Variants in SIK3 observed in about 807,000 individuals in gnomAD.
SIK3 encodes serine/threonine-protein kinase SIK3.
A neutral mutation model predicts 144.2 loss-of-function variants in SIK3; 28 were observed. The observed-to-expected ratio is 0.19, with a 90% confidence interval of 0.14 to 0.27. The LOEUF (loss-of-function observed/expected upper bound fraction) is 0.27, where lower values mean the gene tolerates loss of function less well. SIK3 is among the 10% of genes least tolerant of loss of function. The probability of loss-of-function intolerance (pLI) is 1.00; values close to 1 mark genes in which losing one functional copy is unlikely to be tolerated. For missense variants in SIK3, 1,319 were observed against 1,776.0 expected, an observed-to-expected ratio of 0.74 and a Z score of 4.62; for synonymous variants, 686 against 676.3, an observed-to-expected ratio of 1.01 and a Z score of -0.22.
intron 1 of SIK3, among the ~76,000 whole-genome samples, chr11:117,026,653 T>C (rs765756248): frequency 9.7e-4 from 148 of 152,320 alleles, no homozygotes; most frequent in Non-Finnish European, 1.8e-3. Context: ...TAAATATAAT[T>C]TGATGAAGTC....
At chr11:116,892,616 G>C (rs1448358764) in intron 6 of SIK3, among the ~76,000 whole-genome samples, 1 of 152,166 alleles carries the variant, frequency 6.6e-6, no homozygotes, top group Non-Finnish European at 1.5e-5. Context: ...CTCATTGCTG[G>C]CAGGAATGCA....
intron 13 of SIK3, among the ~76,000 whole-genome samples, chr11:116,871,751 C>T (rs1307275936): frequency 6.6e-6 from 1 of 152,088 alleles, no homozygotes; most frequent in East Asian, 1.9e-4. Context: ...ATAAGAAAGA[C>T]AAGAGTTAAA....
At chr11:117,009,852 T>C (rs1179037233) in intron 1 of SIK3, among the ~76,000 whole-genome samples, 2 of 152,224 alleles carry the variant, frequency 1.3e-5, no homozygotes, top group Non-Finnish European at 2.9e-5. Context: ...GATGCTTTGT[T>C]TTAATGCTGA....
chr11:116,895,673 C>T (rs570528467), intron 6 of SIK3, among the ~76,000 whole-genome samples: 23 of 152,162 alleles, frequency 1.5e-4, no homozygotes, highest in African/African-American at 3.6e-4. Flanking sequence ...TATCTATTTT[C>T]GGTGTTAAAT....
At chr11:116,918,378 C>CT (rs141594094) in intron 4 of SIK3, among the ~76,000 whole-genome samples, 16,658 of 151,760 alleles carry the variant, frequency 0.11, 1,026 homozygotes, top group Admixed American at 0.15. Flanking sequence ...TTCTCCTACA[C>CT]TTTTTTTTCC....
intron 1 of SIK3, among the ~76,000 whole-genome samples, chr11:116,968,414 T>G (rs532812878): frequency 4.2e-4 from 64 of 152,246 alleles, no homozygotes; most frequent in Non-Finnish European, 1.8e-4. Context: ...AGGGCTGGGA[T>G]GACAGGTGTG....
At chr11:117,064,059 G>A (rs1799665570) in intron 1 of SIK3, among the ~76,000 whole-genome samples, 1 of 152,086 alleles carries the variant, frequency 6.6e-6, no homozygotes, top group Non-Finnish European at 1.5e-5. Context: ...AAGTACCCCT[G>A]TTAAAGAGCA....
intron 1 of SIK3, among the ~76,000 whole-genome samples, chr11:117,080,998 T>C (rs1050408511): frequency 6.6e-6 from 1 of 152,008 alleles, no homozygotes; most frequent in Non-Finnish European, 1.5e-5. Context: ...AATAGGCTAC[T>C]ATGTAAAGTA....
At chr11:116,961,099 G>A (rs1361816617) in intron 1 of SIK3, among the ~76,000 whole-genome samples, 1 of 152,236 alleles carries the variant, frequency 6.6e-6, no homozygotes, top group East Asian at 1.9e-4. Context: ...GTCACAGTGA[G>A]CCATAGGATG....
At chr11:117,011,035 G>A (rs142269179) in intron 1 of SIK3, among the ~76,000 whole-genome samples, 5 of 152,274 alleles carry the variant, frequency 3.3e-5, no homozygotes, top group East Asian at 3.9e-4. Flanking sequence ...TGGGAGGATC[G>A]CTTGAGCATG....
At chr11:117,017,524 CA>C (rs1205902346) in intron 1 of SIK3, among the ~76,000 whole-genome samples, 1 of 112,612 alleles carries the variant, frequency 8.9e-6, no homozygotes, top group Non-Finnish European at 2.5e-5. Flanking sequence ...TTCAATAAAA[CA>C]AATGTTTTTT....
intron 19 of SIK3, among the ~76,000 whole-genome samples, chr11:116,860,596 T>A (rs904362421): frequency 6.6e-6 from 1 of 152,240 alleles, no homozygotes; most frequent in Non-Finnish European, 1.5e-5. Context: ...CTGGAGGTTT[T>A]GTTAAAAATA....
At chr11:116,869,989 TAA>T in intron 14 of SIK3, 1 of 704,552 alleles carries the variant, frequency 1.4e-6, no homozygotes, top group Admixed American at 3.0e-5. Flanking sequence ...TCCTTTTCAG[TAA>T]ACAGTTCTTG....
chr11:116,967,792 C>T (rs146846013), intron 1 of SIK3, among the ~76,000 whole-genome samples: 99 of 152,308 alleles, frequency 6.5e-4, no homozygotes, highest in African/African-American at 2.3e-3. Flanking sequence ...ACCAGACTAT[C>T]TTCCCTGAGC....
Position 116,857,965 on chromosome 11 carries a change from T to G in SIK3, c.3500A>C (p.Lys1167Thr). Residue 1167 changes from lysine (K) to threonine (T), a missense_variant, in exon 21 of 25, where the codon AAA becomes ACA. Physicochemically the swap from Lys to Thr is moderately conservative, Grantham distance 78 (BLOSUM62 -1). Around this residue, in one of 8 missense-constraint regions of SIK3, gnomAD observed 646 missense variants for 763.7 expected, o/e 0.85. Coordinates refer to ENST00000445177, the MANE Select transcript of SIK3 (RefSeq NM_001366686.3). ...GAGCAGAGGGCTGTCATGGCAACCT[T>G]TGGTCAATGTACTTGAACTCTTACT... Reference protein sequence around the residue: ...QDSKSSSTLTKGCHDSPLLLS... With the variant: ...QDSKSSSTLTTGCHDSPLLLS... 6.2e-7 allele frequency: 1 copy of G among 1,614,168 alleles called. No individual in the cohort carries two copies. The highest frequency in any genetic ancestry group is 8.5e-7 in the Non-Finnish European group (1 of 1,180,026).
In SIK3 at chr11:116,884,611, G is replaced by A. The variant is rs564605185; in HGVS notation, c.866-7569C>T. On this transcript the variant is annotated intron_variant, in intron 6 of 24. Transcript: ENST00000445177. ...CCTGACCTCGTGATCTGCCCATCTC[G>A]GCCTCCCAAAGTGACATCTGGCTAT... Among the ~76,000 whole-genome samples, 9 of 151,904 alleles carry A rather than the reference G, an allele frequency of 5.9e-5. No individual in the cohort carries two copies. In the East Asian group the frequency reaches 7.7e-4, roughly 13 times the overall value.
At chr11:116,876,793 G>T in intron 7 of SIK3, 131 bp downstream of exon 7, 1 of 714,588 alleles carries the variant, frequency 1.4e-6, no homozygotes, top group Non-Finnish European at 2.5e-6. Flanking sequence ...TGCTTCACGT[G>T]CTGCTTTAGT....
intron 4 of SIK3, among the ~76,000 whole-genome samples, chr11:116,919,707 C>T (rs751977004): frequency 7.2e-5 from 11 of 152,110 alleles, no homozygotes; most frequent in African/African-American, 1.7e-4. Flanking sequence ...AAATTACTTT[C>T]GAATAGCAAT....
At chr11:117,066,470 T>C (rs1049759212) in intron 1 of SIK3, among the ~76,000 whole-genome samples, 1 of 150,082 alleles carries the variant, frequency 6.7e-6, no homozygotes, top group Non-Finnish European at 1.5e-5. Flanking sequence ...AGCATTTATA[T>C]AACACAGGAC....
Sources: gnomAD v4.1 joint callset for allele counts (sites outside exome capture counted in the v4.1 genomes callset) on GRCh38, gnomAD v4.1.1 for gene constraint, gnomAD v4.1.1 regional missense constraint, MANE v1.5 for transcripts, NCBI Gene and HGNC (gene_info 2026-07-23, HGNC 2026-07-21) for gene names.